FAM53A: variants seen among roughly 807,000 people sequenced by gnomAD.
FAM53A encodes the protein family with sequence similarity 53 member A, also known as protein FAM53A.
In FAM53A, 28 loss-of-function variants were observed where a neutral mutation model predicts 26.6. The observed-to-expected ratio is 1.05, with a 90% CI of 0.78 to 1.45. The LOEUF is 1.45. Among genes scored for constraint, FAM53A ranks in the 40% most tolerant of loss-of-function variants. FAM53A has a pLI of 0.00. For synonymous variants in FAM53A, 290 were observed against 253.1 expected, an observed-to-expected ratio of 1.15 and a Z score of -1.38; for missense variants, 650 against 575.8, an observed-to-expected ratio of 1.13 and a Z score of -1.32.
At chr4:1,643,129 C>T (rs1014698136) in intron 4 of FAM53A, among the ~76,000 whole-genome samples, 1 of 152,126 alleles carries the variant, frequency 6.6e-6, no homozygotes, top group Non-Finnish European at 1.5e-5. Flanking sequence ...ACATGGCCCT[C>T]GGGGACAGAG....
At position 1,641,153 on chromosome 4, in the gene FAM53A, C is replaced by A; in HGVS notation, c.*140G>T. 1 of 635,846 alleles carries A rather than the reference C, an allele frequency of 1.6e-6. No homozygotes were observed. Among genetic ancestry groups the A allele is most frequent in the Non-Finnish European group, 2.7e-6 (1 of 375,952 alleles). The allele number at this position is 635,846 out of a possible 1,614,324, so 39.4% of individuals were successfully genotyped here. A position where few individuals can be genotyped will look rare whatever the true frequency, so the allele number is the denominator to read the frequency against. On this transcript the variant is annotated 3_prime_UTR_variant, in exon 5 of 5. Coordinates refer to ENST00000308132, the MANE Select transcript of FAM53A (RefSeq NM_001174070.3). ...GGCAGGTGCCGGCGGCAGCCGTGGC[C>A]CCGACCAGCTCACAGGAAACCTACT...
rs778366814 is a variant in FAM53A at position 1,655,128 on chromosome 4, C to T, written c.732G>A (p.Thr244=). 10 of 1,593,026 alleles carry T rather than the reference C, an allele frequency of 6.3e-6. No individual in the cohort carries two copies. Among genetic ancestry groups the T allele is most frequent in the African/African-American group, 1.4e-5 (1 of 73,944 alleles). ...TPLPWASSSP[T]STPALGGRRG... is the part of the protein sequence containing the mutation. ...GGCGCCCGCCCAGCGCAGGCGTGGA[C>T]GTGGGGCTGCTGCTGGCCCAGGGCA... The change falls in exon 4 of 5, where the codon ACG becomes ACA. Residue 244 remains threonine (T), a synonymous_variant. Coordinates refer to ENST00000308132, the MANE Select transcript of FAM53A (RefSeq NM_001174070.3).
At chr4:1,681,684 T>C (rs13130187) in intron 1 of FAM53A, among the ~76,000 whole-genome samples, 1 of 151,862 alleles carries the variant, frequency 6.6e-6, no homozygotes, top group Non-Finnish European at 1.5e-5. Flanking sequence ...TTATTTTTTG[T>C]AGAAATGGGG....
In FAM53A at chr4:1,649,453, T is replaced by C. The variant is rs117400855; in HGVS notation, c.882+5525A>G. On this transcript the variant is annotated intron_variant, in intron 4 of 4. Coordinates refer to ENST00000308132, the MANE Select transcript of FAM53A (RefSeq NM_001174070.3). The stretch of plus-strand genomic sequence containing the variant: ...GAAGAGCGGTTTTGAAATCACTCCC[T>C]TCAAAAAGTGGAGCCCGATCCTCCT... Among the ~76,000 whole-genome samples the C allele has an allele frequency of 4.6e-3, 706 of 152,288 alleles. 18 individuals carry two copies. The highest frequency in any genetic ancestry group is 0.043 in the Admixed American group (657 of 15,304).
downstream of FAM53A, among the ~76,000 whole-genome samples, chr4:1,613,741 A>G (rs1327937760): frequency 2.0e-5 from 3 of 152,224 alleles, no homozygotes; most frequent in African/African-American, 4.8e-5. Context: ...GGTTAGTTCC[A>G]TCAGGAGCCA....
rs990867868 is a variant in FAM53A, at chr4:1,659,529, T to G, written c.76-2061A>C. 6.6e-6 allele frequency among the ~76,000 whole-genome samples: 1 copy of G among 152,310 alleles called. No individual in the cohort carries two copies. Among genetic ancestry groups the G allele is most frequent in the South Asian group, 2.1e-4 (1 of 4,828 alleles). On this transcript the variant is annotated intron_variant, in intron 2 of 4. Transcript: ENST00000308132. This position sits in a 1 kb window ranked among gnomAD's most constrained non-coding sequence, Gnocchi z 5.2. ...CCACAGGCCCGCACGGTCCCAAATG[T>G]GACCACCTCTATGCAAAGACACGCC...
chr4:1,668,284 C>G (rs575572814), intron 2 of FAM53A, among the ~76,000 whole-genome samples: 6 of 152,106 alleles, frequency 3.9e-5, no homozygotes, highest in African/African-American at 1.4e-4. Flanking sequence ...GGACTACAGG[C>G]GCCTGCTACC....
chr4:1,619,310 C>T (rs1412358680), intron 1 of FAM53A, among the ~76,000 whole-genome samples: 3 of 152,320 alleles, frequency 2.0e-5, no homozygotes, highest in East Asian at 3.9e-4. Flanking sequence ...GGGAACGGCA[C>T]GCACTGCCAG....
rs142028087 is a variant in FAM53A, at chr4:1,679,206, G to A, written c.-165+5027C>T. Reference sequence around the variant, plus strand: ...ACAACCCCAGCCTGGCCAACATGGTGAAACCCCATCTCTACCAAAAAACTA... The same window carrying A: ...ACAACCCCAGCCTGGCCAACATGGTAAAACCCCATCTCTACCAAAAAACTA... On this transcript the variant is annotated intron_variant, in intron 1 of 4. Coordinates refer to ENST00000308132, the MANE Select transcript of FAM53A (RefSeq NM_001174070.3). 6.4e-3 allele frequency among the ~76,000 whole-genome samples: 978 copies of A among 152,136 alleles called. 11 individuals carry two copies. The highest frequency in any genetic ancestry group is 0.022 in the African/African-American group (919 of 41,498).
chr4:1,647,637 G>A (rs940474400), intron 4 of FAM53A, among the ~76,000 whole-genome samples: 1 of 152,248 alleles, frequency 6.6e-6, no homozygotes, highest in African/African-American at 2.4e-5. Context: ...GCTGGGCTGC[G>A]CATACCGAGT....
chr4:1,592,683 C>G, the FAM53A span, among the ~76,000 whole-genome samples: 1 of 152,136 alleles, frequency 6.6e-6, no homozygotes, highest in African/African-American at 2.4e-5. Flanking sequence ...AGGGCAGGAT[C>G]TTCACAGCAT....
At chr4:1,582,881 T>C in the FAM53A span, among the ~76,000 whole-genome samples, 1 of 152,122 alleles carries the variant, frequency 6.6e-6, no homozygotes, top group African/African-American at 2.4e-5. Flanking sequence ...AATAGCTACA[T>C]ATATAGGCAG....
chr4:1,681,224 G>C (rs899024803), intron 1 of FAM53A, among the ~76,000 whole-genome samples: 3 of 152,108 alleles, frequency 2.0e-5, no homozygotes, highest in African/African-American at 4.8e-5. Context: ...AGCCTCCCAA[G>C]TAGCGGGGAT....
chr4:1,663,840 T>C (rs1437936532), intron 2 of FAM53A, among the ~76,000 whole-genome samples: 1 of 136,398 alleles, frequency 7.3e-6, no homozygotes, highest in Admixed American at 7.4e-5. Context: ...ACCCTGTCTT[T>C]AAAAAAAAAA....
At chr4:1,590,488 T>G in the FAM53A span, among the ~76,000 whole-genome samples, 1 of 152,146 alleles carries the variant, frequency 6.6e-6, no homozygotes, top group African/African-American at 2.4e-5. Context: ...TGAACCACAA[T>G]AAAAACCTTT....
intron 1 of FAM53A, among the ~76,000 whole-genome samples, chr4:1,671,807 C>T (rs372205335): frequency 4.1e-4 from 62 of 152,382 alleles, no homozygotes; most frequent in African/African-American, 1.4e-3. Flanking sequence ...AAAGCACACA[C>T]ACAACCCTAG....
chr4:1,626,672 G>A (rs1199040898), intron 1 of FAM53A, among the ~76,000 whole-genome samples: 1 of 151,604 alleles, frequency 6.6e-6, no homozygotes, highest in African/African-American at 2.4e-5. Context: ...AGCCCGGGGG[G>A]ACCCGGGGAG....
chr4:1,586,478 T>C, the FAM53A span, among the ~76,000 whole-genome samples: 1 of 152,052 alleles, frequency 6.6e-6, no homozygotes, highest in Non-Finnish European at 1.5e-5. Flanking sequence ...TCTTTCAATA[T>C]ATTCTCAGAA....
chr4:1,589,649 A>G, the FAM53A span, among the ~76,000 whole-genome samples: 18 of 152,086 alleles, frequency 1.2e-4, no homozygotes, highest in African/African-American at 1.9e-4. Context: ...TGTGGTGTCA[A>G]TTTGGCACTT....
Sources: gnomAD v4.1 joint callset for allele counts (sites outside exome capture counted in the v4.1 genomes callset) on GRCh38, gnomAD v4.1.1 for gene constraint, Gnocchi (gnomAD v3.1) non-coding constraint, MANE v1.5 for transcripts, NCBI Gene and HGNC (gene_info 2026-07-23, HGNC 2026-07-21) for gene names.